The following TUSC3 variants were observed in gnomAD, a reference collection of about 807,000 sequenced individuals.
TUSC3 encodes tumor suppressor candidate 3.
TUSC3 carries 45 observed loss-of-function variants against 44.8 expected under a neutral mutation model. That is an observed-to-expected ratio of 1.00 (90% CI 0.79 to 1.29). The LOEUF is 1.29. Among genes scored for constraint, TUSC3 ranks in the 50% most tolerant of loss-of-function variants. TUSC3 has a pLI of 0.00. For synonymous variants in TUSC3, 212 were observed against 152.9 expected, an observed-to-expected ratio of 1.39 and a Z score of -2.85; for missense variants, 519 against 437.9, an observed-to-expected ratio of 1.19 and a Z score of -1.65.
At chr8:15,446,431 G>T (rs1585792945) in intron 1 of TUSC3, among the ~76,000 whole-genome samples, 1 of 152,050 alleles carries the variant, frequency 6.6e-6, no homozygotes, top group Non-Finnish European at 1.5e-5. Flanking sequence ...ACTCCAGCCT[G>T]GGCAACATTG....
chr8:15,683,953 G>T (rs982504837), intron 6 of TUSC3, among the ~76,000 whole-genome samples: 2 of 152,120 alleles, frequency 1.3e-5, no homozygotes, highest in African/African-American at 4.8e-5. Flanking sequence ...GGTTTCACAG[G>T]CTCTGAGTGC....
At chr8:15,481,004 T>G (rs913627538) in intron 1 of TUSC3, among the ~76,000 whole-genome samples, 1 of 152,020 alleles carries the variant, frequency 6.6e-6, no homozygotes, top group African/African-American at 2.4e-5. Context: ...TTCCAGCACT[T>G]TGGGAGGCCA....
intron 2 of TUSC3, among the ~76,000 whole-genome samples, chr8:15,499,431 C>G (rs1257583152): frequency 6.6e-6 from 1 of 152,132 alleles, no homozygotes; most frequent in African/African-American, 2.4e-5. Context: ...CAGTCACACT[C>G]CACGCCTCTG....
intron 2 of TUSC3, among the ~76,000 whole-genome samples, chr8:15,624,722 CAAA>C (rs1485057396): frequency 1.3e-5 from 2 of 152,132 alleles, no homozygotes; most frequent in Non-Finnish European, 2.9e-5. Flanking sequence ...ACTTGGTTTT[CAAA>C]TATTTTCTCC....
intron 9 of TUSC3, among the ~76,000 whole-genome samples, chr8:15,756,779 T>A (rs1811945479): frequency 6.6e-6 from 1 of 152,134 alleles, no homozygotes; most frequent in Admixed American, 6.6e-5. Flanking sequence ...CCCCTGGAGT[T>A]GTCAGGTTGT....
At chr8:15,424,178 G>A (rs1348023095) in intron 1 of TUSC3, among the ~76,000 whole-genome samples, 1 of 151,222 alleles carries the variant, frequency 6.6e-6, no homozygotes, top group Non-Finnish European at 1.5e-5. Flanking sequence ...TAGTATAGAG[G>A]GGGTTTCACC....
chr8:15,506,725 T>G (rs145351299), intron 2 of TUSC3, among the ~76,000 whole-genome samples: 82 of 152,242 alleles, frequency 5.4e-4, no homozygotes, highest in African/African-American at 1.4e-3. Context: ...GTCCCCATGA[T>G]TCAGTTACCT....
At chr8:15,519,043 A>G (rs1301237918) in intron 2 of TUSC3, among the ~76,000 whole-genome samples, 1 of 152,136 alleles carries the variant, frequency 6.6e-6, no homozygotes, top group Admixed American at 6.6e-5. Context: ...CATTATTACA[A>G]CAGTGTTGTG....
chr8:15,428,836 ATTTG>A (rs1269924218), intron 1 of TUSC3, among the ~76,000 whole-genome samples: 3 of 151,874 alleles, frequency 2.0e-5, no homozygotes, highest in Non-Finnish European at 4.4e-5. Flanking sequence ...TTTCTTGTAA[ATTTG>A]TTTGAGTTCA....
At chr8:15,635,632 G>A (rs574849224) in intron 2 of TUSC3, among the ~76,000 whole-genome samples, 3 of 152,286 alleles carry the variant, frequency 2.0e-5, no homozygotes, top group Non-Finnish European at 2.9e-5. Context: ...GTAGTAAGGT[G>A]CCAGTGGTAG....
chr8:15,688,518 T>C (rs992346263), intron 6 of TUSC3, among the ~76,000 whole-genome samples: 1 of 151,956 alleles, frequency 6.6e-6, no homozygotes, highest in African/African-American at 2.4e-5. Flanking sequence ...GGGTTTGATG[T>C]ACAGATTATT....
chr8:15,581,849 G>A (rs1803361423), intron 1 of TUSC3, among the ~76,000 whole-genome samples: 1 of 105,958 alleles, frequency 9.4e-6, no homozygotes, highest in Admixed American at 9.0e-5. Flanking sequence ...GCTCCACCCA[G>A]TTGGAGCTTC....
chr8:15,582,061 G>T (rs1803378472), intron 1 of TUSC3, among the ~76,000 whole-genome samples: 1 of 152,086 alleles, frequency 6.6e-6, no homozygotes, highest in African/African-American at 2.4e-5. Flanking sequence ...GGGTGGCAGT[G>T]ACCCGATTTT....
the TUSC3 span, among the ~76,000 whole-genome samples, chr8:15,784,546 A>G: frequency 3.3e-5 from 5 of 151,546 alleles, no homozygotes; most frequent in African/African-American, 1.2e-4. Flanking sequence ...GTGTGTGTGT[A>G]TGCACACACA....
chr8:15,553,562 C>T (rs1802130014), intron 1 of TUSC3, among the ~76,000 whole-genome samples: 1 of 101,338 alleles, frequency 9.9e-6, no homozygotes. Flanking sequence ...AAGGAGAGGT[C>T]AAAAGTGATA....
the TUSC3 span, among the ~76,000 whole-genome samples, chr8:15,825,885 C>CTTTTTT: frequency 4.2e-5 from 5 of 120,388 alleles, no homozygotes; most frequent in Non-Finnish European, 5.4e-5. Flanking sequence ...ACAGTTGTTT[C>CTTTTTT]TTTTTTTTTT....
At chr8:15,593,612 T>A (rs1308323896) in intron 1 of TUSC3, among the ~76,000 whole-genome samples, 2 of 152,198 alleles carry the variant, frequency 1.3e-5, no homozygotes, top group Non-Finnish European at 2.9e-5. Flanking sequence ...AAAGATTAAT[T>A]TAATAATACA....
At chr8:15,618,675 A>G (rs1247460694) in intron 1 of TUSC3, among the ~76,000 whole-genome samples, 2 of 152,194 alleles carry the variant, frequency 1.3e-5, no homozygotes, top group African/African-American at 4.8e-5. Flanking sequence ...GTACAGTCTA[A>G]AGATAAAAAG....
intron 1 of TUSC3, among the ~76,000 whole-genome samples, chr8:15,576,947 G>C (rs71500718): frequency 0.33 from 34,977 of 106,112 alleles, 6,619 homozygotes; most frequent in Non-Finnish European, 0.46. Context: ...AAGTGTTCCT[G>C]TTTCTCCACA....
Sources: allele counts gnomAD v4.1 joint callset (sites outside exome capture counted in the v4.1 genomes callset), GRCh38; gene constraint gnomAD v4.1.1; transcripts MANE v1.5; gene names NCBI Gene and HGNC (gene_info 2026-07-23, HGNC 2026-07-21).